The following MAPKBP1 variants were observed in gnomAD, a reference collection of about 807,000 sequenced individuals.
The protein encoded by MAPKBP1 is mitogen-activated protein kinase-binding protein 1.
In MAPKBP1, 71 loss-of-function variants were observed where a neutral mutation model predicts 170.5. That is an observed-to-expected ratio of 0.42 (90% CI 0.34 to 0.51). The LOEUF (loss-of-function observed/expected upper bound fraction) is 0.51, where lower values mean the gene tolerates loss of function less well. Among genes scored for constraint, MAPKBP1 ranks in the 20% least tolerant of loss-of-function variants. The pLI, the probability that MAPKBP1 is intolerant of heterozygous loss-of-function variation, is 0.06. For synonymous variants in MAPKBP1, 719 were observed against 757.9 expected, an observed-to-expected ratio of 0.95 and a Z score of 0.84; for missense variants, 1,598 against 1,933.0, an observed-to-expected ratio of 0.83 and a Z score of 3.25.
At chr15:41,783,641 A>G (rs77994993) in intron 2 of MAPKBP1, among the ~76,000 whole-genome samples, 2,594 of 152,318 alleles carry the variant, frequency 0.017, 27 homozygotes, top group Non-Finnish European at 0.025. Context: ...TGTCCTGAGC[A>G]GAGGGAGCCC....
chr15:41,820,991 C>G lies in MAPKBP1; in HGVS notation c.2641C>G (p.Gln881Glu). 1 of 1,614,200 alleles carries G rather than the reference C, an allele frequency of 6.2e-7. No homozygotes were observed. The highest frequency in any genetic ancestry group is 8.5e-7 in the Non-Finnish European group (1 of 1,180,034). ...TLAPSLQDPS[Q>E]DSLAIIPSGP... ...GGCCCCAAGCCTGCAGGACCCTAGC[C>G]AGGACTCGCTGGCCATCATCCCATC... is the stretch of plus-strand genomic sequence containing the variant. Residue 881 changes from glutamine to glutamate, a missense_variant, in exon 23 of 31, where the codon CAG becomes GAG. Physicochemically the swap from Gln to Glu is conservative, Grantham distance 29. Transcript: ENST00000457542.
In MAPKBP1 at chr15:41,817,993, A is replaced by AC. The variant is rs933123131; in HGVS notation, c.1905-15dup. On this transcript the variant is annotated splice_polypyrimidine_tract_variant and intron_variant, in intron 16 of 30. Transcript: ENST00000457542. The surrounding 1 kb of genome is among the most constrained non-coding windows in gnomAD (Gnocchi z 4.2). ...TTCACCGCCTCCTCATGAGAAAGAG[A>AC]CTATGTTTCTTACAGGATATTTAAC... 6.2e-7 allele frequency: 1 copy of AC among 1,613,382 alleles called. No homozygotes were observed. The highest frequency in any genetic ancestry group is 8.5e-7 in the Non-Finnish European group (1 of 1,179,410).
rs907742706 is a variant in MAPKBP1, at chr15:41,818,918, A to C, written c.2252A>C (p.Gln751Pro). The change falls in exon 20 of 31, where the codon CAA becomes CCA. Residue 751 changes from glutamine to proline, a missense_variant. By Grantham distance (76) the Gln-to-Pro change is moderately conservative. This residue lies in a region of MAPKBP1 where 63 missense variants were observed against 115.2 expected (regional missense o/e 0.55). Coordinates refer to ENST00000457542, the MANE Select transcript of MAPKBP1 (RefSeq NM_014994.3). The surrounding 1 kb of genome is among the most constrained non-coding windows in gnomAD (Gnocchi z 5.2). Reference protein sequence around the residue: ...LRQRQRGGKQQGPSSPQRASG... With the variant: ...LRQRQRGGKQPGPSSPQRASG... ...CAGCGTCAGCGGGGCGGCAAGCAGC[A>C]AGGACCATCCTCTCCCCAAAGGGCT... The C allele has an allele frequency of 1.6e-5, 26 of 1,614,078 alleles. No homozygotes were observed. The African/African-American group carries it at 3.1e-4, about 19-fold the overall frequency.
intron 2 of MAPKBP1, among the ~76,000 whole-genome samples, chr15:41,780,782 G>A (rs545598817): frequency 6.6e-6 from 1 of 151,644 alleles, no homozygotes; most frequent in South Asian, 2.1e-4. Flanking sequence ...AAAAGTTGGT[G>A]AGGAAGGCAA....
chr15:41,790,730 C>A (rs1042487350), intron 2 of MAPKBP1, among the ~76,000 whole-genome samples: 1 of 152,138 alleles, frequency 6.6e-6, no homozygotes, highest in Non-Finnish European at 1.5e-5. Context: ...TGGGTAGAGA[C>A]CAGGAGCAGA....
intron 23 of MAPKBP1, 118 bp downstream of exon 23, chr15:41,821,186 G>C: frequency 1.0e-6 from 1 of 970,388 alleles, no homozygotes; most frequent in Non-Finnish European, 1.6e-6. Context: ...GTGGCACATG[G>C]GTAACCTGAA....
intron 2 of MAPKBP1, among the ~76,000 whole-genome samples, chr15:41,784,830 G>A (rs190435938): frequency 2.5e-4 from 36 of 144,336 alleles, no homozygotes; most frequent in Non-Finnish European, 4.7e-4. Context: ...AGACCAAGGC[G>A]AGCAGATCGT....
At chr15:41,816,072 A>G (rs2064885332) in intron 12 of MAPKBP1, among the ~76,000 whole-genome samples, 1 of 152,244 alleles carries the variant, frequency 6.6e-6, no homozygotes. Context: ...AAAAATGCAT[A>G]AACTCAATAT....
chr15:41,774,941 C>A, intron 1 of MAPKBP1: 1 of 482,742 alleles, frequency 2.1e-6, no homozygotes, highest in Non-Finnish European at 3.6e-6. Flanking sequence ...CCATCCATCT[C>A]GCCAGTTAAA....
intron 2 of MAPKBP1, among the ~76,000 whole-genome samples, chr15:41,793,803 G>A (rs988387438): frequency 6.6e-6 from 1 of 152,240 alleles, no homozygotes; most frequent in South Asian, 2.1e-4. Context: ...CCCAGGTCAA[G>A]GGGCCCATCT....
At position 41,818,963 on chromosome 15, in the gene MAPKBP1, A is replaced by T. The variant is rs754012754; in HGVS notation, c.2291+6A>T. 2 of 1,613,534 alleles carry T rather than the reference A, an allele frequency of 1.2e-6. No individual in the cohort carries two copies. The highest frequency in any genetic ancestry group is 1.1e-5 in the South Asian group (1 of 91,088). ...AGGGCTTCTGGACCCAACCGGTGAG[A>T]ACAGAATGTGGGCAAGTGATGGGTG... On this transcript the variant is annotated splice_donor_region_variant and intron_variant, in intron 20 of 30. Transcript: ENST00000457542. The surrounding 1 kb of genome is among the most constrained non-coding windows in gnomAD (Gnocchi z 5.2).
chr15:41,815,533 G>A (rs1375650293), intron 11 of MAPKBP1, 91 bp from the exon 12 acceptor site: 8 of 1,552,824 alleles, frequency 5.2e-6, no homozygotes, highest in Non-Finnish European at 7.0e-6. Context: ...GTGCTCTGTG[G>A]TCCAAGGGTT....
chr15:41,811,714 C>T, intron 5 of MAPKBP1: 1 of 675,362 alleles, frequency 1.5e-6, no homozygotes, highest in Non-Finnish European at 2.7e-6. Flanking sequence ...GAGCTTTGAA[C>T]AACCTGAAGT....
At position 41,823,564 on chromosome 15, in the gene MAPKBP1, A is replaced by T. The variant is rs1434191730; in HGVS notation, c.3716A>T (p.His1239Leu). 2 of 1,613,704 alleles carry T rather than the reference A, an allele frequency of 1.2e-6. No individual in the cohort carries two copies. The highest frequency in any genetic ancestry group is 8.5e-7 in the Non-Finnish European group (1 of 1,179,970). The change falls in exon 29 of 31, where the codon CAC becomes CTC. Residue 1239 changes from histidine (H) to leucine (L), a missense_variant. By Grantham distance (99) the His-to-Leu change is moderately conservative (BLOSUM62 -3). This residue lies in a region of MAPKBP1 where 942 missense variants were observed against 953.2 expected (regional missense o/e 0.99). Transcript: ENST00000457542. ...GCTGATGGCCGTCCGTCTCGGCCTC[A>T]CTCCTATCAGAACCCCACCACCAGT... is the stretch of plus-strand genomic sequence containing the variant. Reference protein sequence around the residue: ...PPADGRPSRPHSYQNPTTSSM... With the variant: ...PPADGRPSRPLSYQNPTTSSM...
chr15:41,815,231 T>A (rs1272085868), intron 10 of MAPKBP1, 28 bp from the exon 11 acceptor site: 4 of 1,613,268 alleles, frequency 2.5e-6, no homozygotes, highest in Non-Finnish European at 3.4e-6. Flanking sequence ...CGAATGGAGG[T>A]CTGATTGTGT....
chr15:41,821,420 T>G, intron 23 of MAPKBP1, 164 bp from the exon 24 acceptor site: 1 of 669,596 alleles, frequency 1.5e-6, no homozygotes, highest in Admixed American at 2.7e-5. Flanking sequence ...TCTCGATGTC[T>G]GTCCTTCAGC....
At chr15:41,808,983 T>C (rs1659607861) in intron 3 of MAPKBP1, among the ~76,000 whole-genome samples, 5 of 151,676 alleles carry the variant, frequency 3.3e-5, no homozygotes, top group Admixed American at 6.6e-5. Flanking sequence ...GGAGGATTGC[T>C]TGAGCCCAGG....
intron 22 of MAPKBP1, 101 bp downstream of exon 22, chr15:41,819,751 T>G: frequency 1.7e-6 from 2 of 1,179,724 alleles, no homozygotes; most frequent in Non-Finnish European, 2.4e-6. Flanking sequence ...GGGCATGGGG[T>G]CTGCCCACAT....
chr15:41,815,483 A>T (rs1448577007), intron 11 of MAPKBP1, 78 bp downstream of exon 11: 16 of 1,581,480 alleles, frequency 1.0e-5, no homozygotes, highest in Non-Finnish European at 1.4e-5. Flanking sequence ...GTTACTGGGA[A>T]CTGGTCCCTA....
Sources: gnomAD v4.1 joint callset for allele counts (sites outside exome capture counted in the v4.1 genomes callset) on GRCh38, gnomAD v4.1.1 for gene constraint, gnomAD v4.1.1 regional missense constraint, Gnocchi (gnomAD v3.1) non-coding constraint, MANE v1.5 for transcripts, NCBI Gene and HGNC (gene_info 2026-07-23, HGNC 2026-07-21) for gene names.